Variants in ZKSCAN1 observed in about 807,000 individuals in gnomAD.
ZKSCAN1 encodes zinc finger with KRAB and SCAN domains 1.
ZKSCAN1 carries 14 observed loss-of-function variants against 51.6 expected under a neutral mutation model. That is an observed-to-expected ratio of 0.27 (90% confidence interval 0.18 to 0.42). The LOEUF (loss-of-function observed/expected upper bound fraction) is 0.42. Among genes scored for constraint, ZKSCAN1 ranks in the 10% least tolerant of loss-of-function variants. ZKSCAN1 has a pLI of 1.00. For missense variants in ZKSCAN1, 531 were observed against 710.0 expected, an observed-to-expected ratio of 0.75 and a Z score of 2.86; for synonymous variants, 263 against 261.5, an observed-to-expected ratio of 1.01 and a Z score of -0.06.
rs769212492 is a variant in ZKSCAN1 at position 100,024,222 on chromosome 7, G to A, written c.495G>A (p.Glu165=). 1 of 1,614,120 alleles carries A rather than the reference G, an allele frequency of 6.2e-7. No homozygotes were observed. Among genetic ancestry groups the A allele is most frequent in the Non-Finnish European group, 8.5e-7 (1 of 1,180,030 alleles). Residue 165 remains glutamate, a synonymous_variant, in exon 3 of 6, where the codon GAG becomes GAA. Transcript: ENST00000324306. ...RGMVPLDPVQ[E]SSSFDLHHEA... is the part of the protein sequence containing the mutation. Reference sequence around the variant, plus strand: ...TGGTGCCTCTGGATCCAGTTCAGGAGTCCTCGAGCTTTGACCTTCATCACG... The same window carrying A: ...TGGTGCCTCTGGATCCAGTTCAGGAATCCTCGAGCTTTGACCTTCATCACG...
chr7:100,037,724 G>T lies in ZKSCAN1; in HGVS notation c.*3527G>T, dbSNP rs1324273915. The T allele has an allele frequency of 8.1e-6, 8 of 985,322 alleles. No homozygotes were observed. The highest frequency in any genetic ancestry group is 9.6e-6 in the Non-Finnish European group (8 of 829,938). 61.0% of individuals were successfully genotyped at this position (985,322 alleles called of 1,614,324 possible). A position where few individuals can be genotyped will look rare whatever the true frequency, so the allele number is the denominator to read the frequency against. ...TGAATTTGAGAAACATTGCAAGAGG[G>T]AGCTCAATCTTGGCCGGGCGCCGTG... On this transcript the variant is annotated 3_prime_UTR_variant, in exon 6 of 6. Transcript: ENST00000324306.
At position 100,035,911 on chromosome 7, in the gene ZKSCAN1, T is replaced by C. The variant is rs1200054793; in HGVS notation, c.*1714T>C. ...GTAGGACAAGGGTCCTACCCAAGGC[T>C]AGGACCGCCCTGCGGAAACAGAAAC... On this transcript the variant is annotated 3_prime_UTR_variant, in exon 6 of 6. Transcript: ENST00000324306. The C allele has an allele frequency of 3.0e-6, 3 of 985,436 alleles. No individual in the cohort carries two copies. The African/African-American group carries it at 5.2e-5, about 17-fold the overall frequency. The allele number at this position is 985,436 out of a possible 1,614,324, so 61.0% of individuals were successfully genotyped here. A position where few individuals can be genotyped will look rare whatever the true frequency, so the allele number is the denominator to read the frequency against.
chr7:100,019,687 C>T (rs551642741), intron 1 of ZKSCAN1, among the ~76,000 whole-genome samples: 1 of 152,054 alleles, frequency 6.6e-6, no homozygotes, highest in South Asian at 2.1e-4. Context: ...TATTTAATGG[C>T]AGTATATCTC....
Position 100,037,363 on chromosome 7 carries a change from G to T in ZKSCAN1, c.*3166G>T, listed in dbSNP as rs1368683665. 3 of 985,276 alleles carry T rather than the reference G, an allele frequency of 3.0e-6. No individual in the cohort carries two copies. In the East Asian group the frequency reaches 3.4e-4, roughly 112 times the overall value. 61.0% of individuals were successfully genotyped at this position (985,276 alleles called of 1,614,324 possible). A position where few individuals can be genotyped will look rare whatever the true frequency, so the allele number is the denominator to read the frequency against. On this transcript the variant is annotated 3_prime_UTR_variant, in exon 6 of 6. Transcript: ENST00000324306. ...TATTTGTTTCTACTCCAGCCTGGCA[G>T]GCAAGGCTAAAACCTGAGATTATCG...
In ZKSCAN1 at chr7:100,037,452, A is replaced by G. The variant is rs571578773; in HGVS notation, c.*3255A>G. ...AAAGGCATAAAAGTGAAACTGCTAAATATGTATAGAGAGGTTGACGTGTGA... is the reference window on the plus strand; with the variant it reads ...AAAGGCATAAAAGTGAAACTGCTAAGTATGTATAGAGAGGTTGACGTGTGA... On this transcript the variant is annotated 3_prime_UTR_variant, in exon 6 of 6. Transcript: ENST00000324306. 3.0e-6 allele frequency: 3 copies of G among 985,450 alleles called. No individual in the cohort carries two copies. The highest frequency in any genetic ancestry group is 9.4e-5 in the South Asian group (2 of 21,288). 61.0% of individuals were successfully genotyped at this position (985,450 alleles called of 1,614,324 possible).
rs199751793 is a variant in ZKSCAN1, at chr7:100,029,887, C to T, written c.607C>T (p.Pro203Ser). Reference sequence around the variant, plus strand: ...TCTTCCTGCTGCCCACATTCCTGCACCCCCTCATGAGGGTAGTCCCAGAGA... The same window carrying T: ...TCTTCCTGCTGCCCACATTCCTGCATCCCCTCATGAGGGTAGTCCCAGAGA... ...RALPAAHIPA[P>S]PHEGSPRDQA... Residue 203 changes from proline to serine, a missense_variant, in exon 4 of 6, where the codon CCC becomes TCC. Transcript: ENST00000324306. The T allele has an allele frequency of 9.3e-6, 15 of 1,614,152 alleles. No homozygotes were observed. The East Asian group carries it at 2.9e-4, about 31-fold the overall frequency.
Position 100,038,405 on chromosome 7 carries a change from C to T in ZKSCAN1, c.*4208C>T, listed in dbSNP as rs1311955392. On this transcript the variant is annotated 3_prime_UTR_variant, in exon 6 of 6. Coordinates refer to ENST00000324306, the MANE Select transcript of ZKSCAN1 (RefSeq NM_003439.4). The stretch of plus-strand genomic sequence containing the variant: ...AAGCTTCATAGTTTGGTGCTTATCA[C>T]ATCAAGAGATTGGTAAATTTCTGAG... 3 of 985,308 alleles carry T rather than the reference C, an allele frequency of 3.0e-6. No individual in the cohort carries two copies. Among genetic ancestry groups the T allele is most frequent in the Non-Finnish European group, 2.4e-6 (2 of 829,950 alleles). 61.0% of individuals were successfully genotyped at this position (985,308 alleles called of 1,614,324 possible). A position where few individuals can be genotyped will look rare whatever the true frequency, so the allele number is the denominator to read the frequency against.
rs1481552970 is a variant in ZKSCAN1 at position 100,029,875 on chromosome 7, C to T, written c.595C>T (p.His199Tyr). The change falls in exon 4 of 6, where the codon CAC (histidine) becomes TAC (tyrosine). Residue 199 changes from histidine to tyrosine, a missense_variant. His to Tyr is a moderately conservative substitution (Grantham distance 83). This residue lies in a region of ZKSCAN1 where 403 missense variants were observed against 490.5 expected (regional missense o/e 0.82). Coordinates refer to ENST00000324306, the MANE Select transcript of ZKSCAN1 (RefSeq NM_003439.4). ...LLQSRALPAA[H>Y]IPAPPHEGSP... Reference sequence around the variant, plus strand: ...TCCTCCCCCAGCTCTTCCTGCTGCCCACATTCCTGCACCCCCTCATGAGGG... The same window carrying T: ...TCCTCCCCCAGCTCTTCCTGCTGCCTACATTCCTGCACCCCCTCATGAGGG... 1 of 1,614,142 alleles carries T rather than the reference C, an allele frequency of 6.2e-7. No individual in the cohort carries two copies.
Position 100,034,366 on chromosome 7 carries a change from T to G in ZKSCAN1, c.*169T>G. On this transcript the variant is annotated 3_prime_UTR_variant, in exon 6 of 6. Coordinates refer to ENST00000324306, the MANE Select transcript of ZKSCAN1 (RefSeq NM_003439.4). Reference sequence around the variant, plus strand: ...CAGTGTTCTGCCTTTATGTAGTAGTTGGGCATATAATCCTTCCACACAGCC... The same window carrying G: ...CAGTGTTCTGCCTTTATGTAGTAGTGGGGCATATAATCCTTCCACACAGCC... 1 of 1,372,650 alleles carries G rather than the reference T, an allele frequency of 7.3e-7. No individual in the cohort carries two copies. Among genetic ancestry groups the G allele is most frequent in the Non-Finnish European group, 9.3e-7 (1 of 1,071,222 alleles). The allele number at this position is 1,372,650 out of a possible 1,614,324, so 85.0% of individuals were successfully genotyped here.
intron 3 of ZKSCAN1, 69 bp downstream of exon 3, chr7:100,024,376 C>A: frequency 6.4e-7 from 1 of 1,553,192 alleles, no homozygotes; most frequent in South Asian, 1.2e-5. Context: ...CTGCTGAGTG[C>A]CTGTGATGAA....
At chr7:100,030,034 C>T in intron 4 of ZKSCAN1, 82 bp downstream of exon 4, 2 of 1,507,890 alleles carry the variant, frequency 1.3e-6, no homozygotes, top group South Asian at 2.3e-5. Flanking sequence ...CCACAGGCCA[C>T]TCTGGATGCC....
chr7:100,035,742 C>A lies in ZKSCAN1; in HGVS notation c.*1545C>A. 2 of 663,044 alleles carry A rather than the reference C, an allele frequency of 3.0e-6. No individual in the cohort carries two copies. The highest frequency in any genetic ancestry group is 3.7e-6 in the Non-Finnish European group (2 of 535,680). The allele number at this position is 663,044 out of a possible 1,614,324, so 41.1% of individuals were successfully genotyped here. A position where few individuals can be genotyped will look rare whatever the true frequency, so the allele number is the denominator to read the frequency against. On this transcript the variant is annotated 3_prime_UTR_variant, in exon 6 of 6. Coordinates refer to ENST00000324306, the MANE Select transcript of ZKSCAN1 (RefSeq NM_003439.4). The stretch of plus-strand genomic sequence containing the variant: ...GCACAGTGACTTTTCTGTTTCTTAT[C>A]ACTAAAGACTGAGGTGAGGTTATGA...
rs747747537 is a variant in ZKSCAN1 at position 100,034,003 on chromosome 7, C to T, written c.1498C>T (p.Arg500Ter). Residue 500 changes from arginine to a stop codon, truncating the protein, a stop_gained, in exon 6 of 6, where the codon CGA (arginine) becomes TGA (stop). Coordinates refer to ENST00000324306, the MANE Select transcript of ZKSCAN1 (RefSeq NM_003439.4). LOFTEE classifies it high-confidence loss of function. ...TAGTGAATGTGGAAAAGCTTTCAAC[C>T]GAAACTCATACCTGATTTTGCATCG... is the stretch of plus-strand genomic sequence containing the variant. ...ECSECGKAFN[R>*]NSYLILHRRI... 6.2e-7 allele frequency: 1 copy of T among 1,614,142 alleles called. No homozygotes were observed. The highest frequency in any genetic ancestry group is 8.5e-7 in the Non-Finnish European group (1 of 1,180,026).
Position 100,040,574 on chromosome 7 carries a change from G to A in ZKSCAN1, c.*6377G>A. The stretch of plus-strand genomic sequence containing the variant: ...GGGTTTTAAGTTCCTTTGGTCCAGG[G>A]AAGGGTCCAAGCAGCCACAGTTGCC... On this transcript the variant is annotated 3_prime_UTR_variant, in exon 6 of 6. Coordinates refer to ENST00000324306, the MANE Select transcript of ZKSCAN1 (RefSeq NM_003439.4). 3.0e-6 allele frequency: 3 copies of A among 985,428 alleles called. No individual in the cohort carries two copies. Among genetic ancestry groups the A allele is most frequent in the Non-Finnish European group, 3.6e-6 (3 of 829,942 alleles). The allele number at this position is 985,428 out of a possible 1,614,324, so 61.0% of individuals were successfully genotyped here.
chr7:100,024,472 T>C, intron 3 of ZKSCAN1, 165 bp downstream of exon 3: 1 of 851,666 alleles, frequency 1.2e-6, no homozygotes, highest in East Asian at 2.8e-5. Context: ...CGCACACCTG[T>C]GATTCCAGCT....
In ZKSCAN1 at chr7:100,041,246, ACT is replaced by A. The variant is rs1791581036; in HGVS notation, c.*7050_*7051del. On this transcript the variant is annotated 3_prime_UTR_variant, in exon 6 of 6. Coordinates refer to ENST00000324306, the MANE Select transcript of ZKSCAN1 (RefSeq NM_003439.4). The stretch of plus-strand genomic sequence containing the variant: ...CTCTGTATACCCGCAGAATGAAGTT[ACT>A]GTTGTTAAAACTGGATTTTTTCATT... 4.6e-6 allele frequency: 4 copies of A among 878,596 alleles called. No individual in the cohort carries two copies. The highest frequency in any genetic ancestry group is 5.5e-6 in the Non-Finnish European group (4 of 732,540). 54.4% of individuals were successfully genotyped at this position (878,596 alleles called of 1,614,324 possible). A position where few individuals can be genotyped will look rare whatever the true frequency, so the allele number is the denominator to read the frequency against.
rs760372034 is a variant in ZKSCAN1, at chr7:100,023,720, G to A, written c.214G>A (p.Glu72Lys). ...TTACCAGAACACTTTTGGGCCCCGA[G>A]AGGCTCTCAGTCGGCTGAAGGAACT... ...FCYQNTFGPR[E>K]ALSRLKELCH... The change falls in exon 2 of 6, where the codon GAG becomes AAG. Residue 72 changes from glutamate (E) to lysine (K), a missense_variant. By Grantham distance (56) the Glu-to-Lys change is moderately conservative (BLOSUM62 1). Transcript: ENST00000324306. 2.3e-5 allele frequency: 37 copies of A among 1,614,206 alleles called. No individual in the cohort carries two copies. The highest frequency in any genetic ancestry group is 3.1e-5 in the Non-Finnish European group (37 of 1,180,042).
chr7:100,028,437 C>A (rs1790940234), intron 3 of ZKSCAN1, among the ~76,000 whole-genome samples: 1 of 152,096 alleles, frequency 6.6e-6, no homozygotes, highest in African/African-American at 2.4e-5. Context: ...TCACTTGAGC[C>A]TGGGAGGTCA....
intron 4 of ZKSCAN1, 92 bp downstream of exon 4, chr7:100,030,044 C>A: frequency 1.4e-6 from 2 of 1,468,454 alleles, no homozygotes; most frequent in Non-Finnish European, 9.4e-7. Context: ...CTCTGGATGC[C>A]CCTGCTCTCA....
Sources: allele counts gnomAD v4.1 joint callset (sites outside exome capture counted in the v4.1 genomes callset), GRCh38; gene constraint gnomAD v4.1.1; regional missense constraint gnomAD v4.1.1; transcripts MANE v1.5; gene names NCBI Gene and HGNC (gene_info 2026-07-23, HGNC 2026-07-21).